GSN: variants seen among roughly 807,000 people sequenced by gnomAD.
GSN encodes actin-depolymerizing factor.
GSN carries 56 observed loss-of-function variants against 85.7 expected under a neutral mutation model. The observed-to-expected ratio is 0.65, with a 90% confidence interval of 0.53 to 0.82. The LOEUF (loss-of-function observed/expected upper bound fraction) is 0.82, where lower values mean the gene tolerates loss of function less well. Among genes scored for constraint, GSN ranks in the 40% least tolerant of loss-of-function variants. The pLI, the probability that GSN is intolerant of heterozygous loss-of-function variation, is 0.00. For synonymous variants in GSN, 373 were observed against 399.1 expected, an observed-to-expected ratio of 0.93 and a Z score of 0.78; for missense variants, 857 against 979.8, an observed-to-expected ratio of 0.87 and a Z score of 1.67.
Position 121,318,989 on chromosome 9 carries a change from G to A in GSN, c.1191+109G>A. Reference sequence around the variant, plus strand: ...TCTCTCTGAGGTTTGCACAACTTTGGTAGCTGAGATTCTTTGGTGTTACTT... The same window carrying A: ...TCTCTCTGAGGTTTGCACAACTTTGATAGCTGAGATTCTTTGGTGTTACTT... On this transcript the variant is annotated intron_variant, in intron 10 of 17. Coordinates refer to ENST00000432226, the MANE Select transcript of GSN (RefSeq NM_198252.3). This position sits in a 1 kb window ranked among gnomAD's most constrained non-coding sequence, Gnocchi z 4.3. 2 of 880,216 alleles carry A rather than the reference G, an allele frequency of 2.3e-6. No homozygotes were observed. Among genetic ancestry groups the A allele is most frequent in the Non-Finnish European group, 3.7e-6 (2 of 541,042 alleles). The allele number at this position is 880,216 out of a possible 1,614,324, so 54.5% of individuals were successfully genotyped here.
chr9:121,204,905 T>G (rs1267134492), upstream of GSN, among the ~76,000 whole-genome samples: 4 of 152,162 alleles, frequency 2.6e-5, no homozygotes, highest in Non-Finnish European at 5.9e-5. Context: ...TTTGTTAAAC[T>G]ATAAGAGGAG....
chr9:121,228,898 CTCTT>C (rs1166210747), intron 4 of GSN, among the ~76,000 whole-genome samples: 3 of 152,176 alleles, frequency 2.0e-5, no homozygotes, highest in African/African-American at 7.2e-5. Flanking sequence ...GTTTCTCTCT[CTCTT>C]CCTGAACCAT....
chr9:121,282,374 G>T, intron 2 of GSN: 1 of 705,834 alleles, frequency 1.4e-6, no homozygotes, highest in South Asian at 3.6e-5. Context: ...AATTTCTAAT[G>T]AGCAATTGTG....
chr9:121,298,988 C>A (rs1008251141), intron 2 of GSN, among the ~76,000 whole-genome samples: 8 of 152,110 alleles, frequency 5.3e-5, no homozygotes, highest in Non-Finnish European at 7.4e-5. Context: ...GGAAACCAAA[C>A]AAAACAACTT....
intron 2 of GSN, among the ~76,000 whole-genome samples, chr9:121,290,495 T>C (rs554835982): frequency 1.3e-5 from 2 of 152,300 alleles, no homozygotes; most frequent in East Asian, 3.9e-4. Context: ...TAGTCAAAAG[T>C]TTTAGATAAA....
At chr9:121,298,951 G>C (rs898997442) in intron 2 of GSN, among the ~76,000 whole-genome samples, 1 of 152,154 alleles carries the variant, frequency 6.6e-6, no homozygotes, top group Non-Finnish European at 1.5e-5. Flanking sequence ...TCTTCCCCCA[G>C]GGGAGTCAAT....
At chr9:121,303,427 A>T (rs1284789432) in intron 4 of GSN, among the ~76,000 whole-genome samples, 1 of 152,136 alleles carries the variant, frequency 6.6e-6, no homozygotes, top group Admixed American at 6.5e-5. Flanking sequence ...GTACCCCTTA[A>T]TTCTTAAGGC....
At chr9:121,302,829 G>A (rs891020624) in intron 3 of GSN, 82 bp from the exon 4 acceptor site, 1 of 1,390,330 alleles carries the variant, frequency 7.2e-7, no homozygotes, top group African/African-American at 1.4e-5. Context: ...GGCAGTGCTG[G>A]GGTTCCTCCT....
At chr9:121,246,284 A>AT (rs1564355005) in intron 5 of GSN, among the ~76,000 whole-genome samples, 1 of 151,902 alleles carries the variant, frequency 6.6e-6, no homozygotes, top group Admixed American at 6.6e-5. Context: ...TAAAAAGGAG[A>AT]TGTGAAGATA....
intron 4 of GSN, among the ~76,000 whole-genome samples, chr9:121,219,995 C>A (rs1333546967): frequency 6.6e-6 from 1 of 152,190 alleles, no homozygotes; most frequent in Non-Finnish European, 1.5e-5. Flanking sequence ...GATTCTCCTG[C>A]CTCAGCTTCC....
At position 121,302,964 on chromosome 9, in the gene GSN, C is replaced by G. The variant is rs1588966655; in HGVS notation, c.250C>G (p.Leu84Val). 3 of 1,613,882 alleles carry G rather than the reference C, an allele frequency of 1.9e-6. No homozygotes were observed. Among genetic ancestry groups the G allele is most frequent in the East Asian group, 2.2e-5 (1 of 44,894 alleles). Residue 84 changes from leucine to valine, a missense_variant, in exon 4 of 18, where the codon CTG becomes GTG. Leu to Val is a conservative substitution (Grantham distance 32, BLOSUM62 1). Transcript: ENST00000432226. ...SGAAAIFTVQ[L>V]DDYLNGRAVQ... ...GGCGGCCGCCATCTTTACCGTGCAG[C>G]TGGATGACTACCTGAACGGCCGGGC...
chr9:121,202,049 G>C, the GSN span, among the ~76,000 whole-genome samples: 1 of 152,292 alleles, frequency 6.6e-6, no homozygotes, highest in South Asian at 2.1e-4. Context: ...GCTGAGGCCC[G>C]CCCCACGGGC....
chr9:121,230,895 G>A (rs939661967), intron 4 of GSN, among the ~76,000 whole-genome samples: 4 of 152,194 alleles, frequency 2.6e-5, no homozygotes, highest in Non-Finnish European at 4.4e-5. Context: ...CCTAGGATAA[G>A]TCCTACTCCC....
intron 6 of GSN, among the ~76,000 whole-genome samples, chr9:121,255,078 A>G (rs1170357322): frequency 2.0e-5 from 3 of 152,016 alleles, no homozygotes; most frequent in African/African-American, 7.3e-5. Context: ...CCTCCCGAGT[A>G]GCTGGGACTA....
chr9:121,281,770 A>G (rs2057399299), intron 2 of GSN: 1 of 471,102 alleles, frequency 2.1e-6, no homozygotes, highest in South Asian at 1.5e-5. Flanking sequence ...GTGATCTTGT[A>G]GGGAGGAGGC....
At chr9:121,270,001 T>C (rs2132348065) in intron 1 of GSN, among the ~76,000 whole-genome samples, 1 of 152,334 alleles carries the variant, frequency 6.6e-6, no homozygotes, top group Admixed American at 6.5e-5. Flanking sequence ...TTTGACACTT[T>C]TGTGCCATAT....
At chr9:121,321,759 T>A (rs2062487640) in intron 11 of GSN, among the ~76,000 whole-genome samples, 1 of 147,932 alleles carries the variant, frequency 6.8e-6, no homozygotes, top group South Asian at 2.1e-4. Context: ...TTATTTATTT[T>A]GAGACAGAGT....
intron 4 of GSN, among the ~76,000 whole-genome samples, chr9:121,212,080 T>G (rs1184162519): frequency 6.6e-6 from 1 of 152,056 alleles, no homozygotes; most frequent in African/African-American, 2.4e-5. Flanking sequence ...CACCTTCCCG[T>G]TTTTCTGTAG....
At chr9:121,302,814 G>A (rs1179314477) in intron 3 of GSN, 97 bp from the exon 4 acceptor site, 1 of 1,204,386 alleles carries the variant, frequency 8.3e-7, no homozygotes, top group African/African-American at 1.5e-5. Flanking sequence ...CTACAGCTAG[G>A]TCAGGGCAGT....
Sources: gnomAD v4.1 joint callset for allele counts (sites outside exome capture counted in the v4.1 genomes callset) on GRCh38, gnomAD v4.1.1 for gene constraint, Gnocchi (gnomAD v3.1) non-coding constraint, MANE v1.5 for transcripts, NCBI Gene and HGNC (gene_info 2026-07-23, HGNC 2026-07-21) for gene names.